ANKRD44: variants seen among roughly 807,000 people sequenced by gnomAD.
The protein encoded by ANKRD44 is serine/threonine-protein phosphatase 6 regulatory ankyrin repeat subunit B.
In ANKRD44, 35 loss-of-function variants were observed where a neutral mutation model predicts 116.0. That is an observed-to-expected ratio of 0.30 (90% CI 0.23 to 0.40). The LOEUF (loss-of-function observed/expected upper bound fraction) is 0.40. ANKRD44 is among the 10% of genes least tolerant of loss of function. ANKRD44 has a pLI of 1.00. For missense variants in ANKRD44, 1,014 were observed against 1,242.6 expected (o/e 0.82, Z 2.77); for synonymous variants, 435 against 461.8 (o/e 0.94, Z 0.74).
intron 1 of ANKRD44, among the ~76,000 whole-genome samples, chr2:197,240,352 G>T (rs1349405880): frequency 4.8e-5 from 7 of 145,586 alleles, no homozygotes; most frequent in Non-Finnish European, 9.0e-5. Context: ...TCTAGTCTGG[G>T]TGACAGAGCA....
intron 1 of ANKRD44, among the ~76,000 whole-genome samples, chr2:197,240,759 C>A: frequency 7.5e-6 from 1 of 132,960 alleles, no homozygotes; most frequent in Non-Finnish European, 1.6e-5. Flanking sequence ...AAAGCCAGAT[C>A]CAAGGACATG....
chr2:197,184,233 A>G (rs1025265810), intron 2 of ANKRD44, among the ~76,000 whole-genome samples: 8 of 152,230 alleles, frequency 5.3e-5, no homozygotes, highest in African/African-American at 1.9e-4. Flanking sequence ...TTGGGGGCAC[A>G]CAGATACACT....
intron 12 of ANKRD44, 65 bp from the exon 13 acceptor site, chr2:197,086,813 A>T (rs1297737722): frequency 1.3e-6 from 2 of 1,497,842 alleles, no homozygotes; most frequent in Non-Finnish European, 1.9e-6. Flanking sequence ...CTTCAGCAAG[A>T]GCTATTTTCT....
chr2:197,170,897 C>T (rs953756598), intron 2 of ANKRD44, among the ~76,000 whole-genome samples: 6 of 152,060 alleles, frequency 3.9e-5, no homozygotes, highest in Non-Finnish European at 5.9e-5. Context: ...TTGATGGGGC[C>T]GGGGGTGGTG....
chr2:197,039,278 C>T (rs553934287), intron 16 of ANKRD44, among the ~76,000 whole-genome samples: 1 of 152,278 alleles, frequency 6.6e-6, no homozygotes, highest in African/African-American at 2.4e-5. Context: ...TCTGAGGGAA[C>T]AGCCACCAGC....
chr2:196,981,699 G>A (rs1281480557), downstream of ANKRD44, among the ~76,000 whole-genome samples: 1 of 152,036 alleles, frequency 6.6e-6, no homozygotes, highest in Non-Finnish European at 1.5e-5. Context: ...AGAATCGCTT[G>A]ACCCTGGAGG....
At chr2:197,141,766 G>A (rs1461636485) in intron 3 of ANKRD44, among the ~76,000 whole-genome samples, 2 of 152,178 alleles carry the variant, frequency 1.3e-5, no homozygotes, top group African/African-American at 4.8e-5. Flanking sequence ...CAAAACCAGA[G>A]TTATCTGAAT....
chr2:197,232,393 C>A (rs958462607), intron 1 of ANKRD44, among the ~76,000 whole-genome samples: 1 of 151,970 alleles, frequency 6.6e-6, no homozygotes, highest in African/African-American at 2.4e-5. Flanking sequence ...GAAGAAGAGC[C>A]CCTTAATGTC....
chr2:197,123,953 T>C (rs1262702183), intron 6 of ANKRD44, among the ~76,000 whole-genome samples: 1 of 152,224 alleles, frequency 6.6e-6, no homozygotes, highest in Non-Finnish European at 1.5e-5. Flanking sequence ...AAAACAATGA[T>C]TTGATTTCTT....
chr2:197,209,953 G>A (rs1163238204), intron 1 of ANKRD44, among the ~76,000 whole-genome samples: 1 of 152,092 alleles, frequency 6.6e-6, no homozygotes, highest in Non-Finnish European at 1.5e-5. Flanking sequence ...CCTCACTTGG[G>A]GGAATATGGG....
chr2:197,000,610 A>C, intron 22 of ANKRD44, 108 bp from the exon 23 acceptor site: 1 of 875,534 alleles, frequency 1.1e-6, no homozygotes, highest in Non-Finnish European at 1.8e-6. Context: ...AGCATTTAAA[A>C]AATCGAACGT....
intron 22 of ANKRD44, 23 bp from the exon 23 acceptor site, chr2:197,000,525 T>G (rs773883306): frequency 1.3e-6 from 2 of 1,579,524 alleles, no homozygotes; most frequent in Non-Finnish European, 1.7e-6. Flanking sequence ...TGGGTTTTAA[T>G]GTAACAATCT....
intron 4 of ANKRD44, among the ~76,000 whole-genome samples, chr2:197,127,130 A>C (rs1170477723): frequency 6.6e-6 from 1 of 152,252 alleles, no homozygotes; most frequent in East Asian, 1.9e-4. Flanking sequence ...GCAAGATGAC[A>C]GAAGTCCAGG....
At chr2:197,269,677 C>T (rs1476372217) in intron 1 of ANKRD44, among the ~76,000 whole-genome samples, 1 of 152,114 alleles carries the variant, frequency 6.6e-6, no homozygotes, top group Admixed American at 6.5e-5. Context: ...TTATTGCCCA[C>T]CTACTACCTG....
intron 1 of ANKRD44, among the ~76,000 whole-genome samples, chr2:197,189,066 C>A (rs1227714122): frequency 6.6e-6 from 1 of 152,182 alleles, no homozygotes; most frequent in Non-Finnish European, 1.5e-5. Flanking sequence ...TATAAACCCT[C>A]TTTTCTCTTT....
chr2:197,144,774 C>G (rs13424338), intron 3 of ANKRD44, among the ~76,000 whole-genome samples: 8,817 of 152,172 alleles, frequency 0.058, 869 homozygotes, highest in African/African-American at 0.2. Flanking sequence ...GGATTCTATG[C>G]CCTTGTGAAG....
chr2:197,214,819 T>G (rs1463079854), intron 1 of ANKRD44, among the ~76,000 whole-genome samples: 2 of 152,186 alleles, frequency 1.3e-5, no homozygotes, highest in African/African-American at 4.8e-5. Flanking sequence ...CCCAAATAGA[T>G]GCTCCAAGGC....
At chr2:197,197,823 A>G (rs2080992702) in intron 1 of ANKRD44, among the ~76,000 whole-genome samples, 1 of 143,274 alleles carries the variant, frequency 7.0e-6, no homozygotes, top group Admixed American at 7.3e-5. Flanking sequence ...AAAAAAAAAA[A>G]AAAAAAAGAA....
At chr2:197,072,664 A>G (rs1229934683) in intron 16 of ANKRD44, among the ~76,000 whole-genome samples, 2 of 152,240 alleles carry the variant, frequency 1.3e-5, no homozygotes, top group African/African-American at 2.4e-5. Context: ...TGACAGTATT[A>G]GAACCTAATG....
Sources: allele counts gnomAD v4.1 joint callset (sites outside exome capture counted in the v4.1 genomes callset), GRCh38; gene constraint gnomAD v4.1.1; transcripts MANE v1.5; gene names NCBI Gene and HGNC (gene_info 2026-07-23, HGNC 2026-07-21).